KYAT3: variants seen among roughly 807,000 people sequenced by gnomAD.
The protein encoded by KYAT3 is kynurenine aminotransferase 3, also known as kynurenine--oxoglutarate transaminase 3.
KYAT3 carries 50 observed loss-of-function variants against 59.0 expected under a neutral mutation model. That is an observed-to-expected ratio of 0.85 (90% CI 0.68 to 1.07). KYAT3 has a LOEUF of 1.07. KYAT3 is among the 50% of genes least tolerant of loss of function. KYAT3 has a pLI of 0.00. For synonymous variants in KYAT3, 148 were observed against 177.0 expected (o/e 0.84, Z 1.30); for missense variants, 497 against 533.3 (o/e 0.93, Z 0.67).
At chr1:88,932,134 G>A (rs879537889), downstream of KYAT3, among the ~76,000 whole-genome samples, 2 of 152,134 alleles carry the variant, frequency 1.3e-5, no homozygotes, top group Non-Finnish European at 2.9e-5. Flanking sequence ...CTTGATTCTA[G>A]TATTACAGAA....
At chr1:88,938,371 T>C (rs1675115861) in intron 13 of KYAT3, among the ~76,000 whole-genome samples, 1 of 152,174 alleles carries the variant, frequency 6.6e-6, no homozygotes, top group African/African-American at 2.4e-5. Context: ...TTATTGTTCT[T>C]GTTTATTTAT....
chr1:88,990,001 T>A (rs1338755915), intron 1 of KYAT3, among the ~76,000 whole-genome samples: 2 of 152,150 alleles, frequency 1.3e-5, no homozygotes, highest in Non-Finnish European at 2.9e-5. Context: ...TCTCCCATAG[T>A]CCAAAATGAT....
Position 88,964,895 on chromosome 1 carries a change from A to T in KYAT3, c.387T>A (p.Leu129=), listed in dbSNP as rs747833034. 14 of 1,609,640 alleles carry T rather than the reference A, an allele frequency of 8.7e-6. No homozygotes were observed. The highest frequency in any genetic ancestry group is 1.2e-5 in the Non-Finnish European group (14 of 1,178,606). The change falls in exon 5 of 14, where the codon CTT becomes CTA. Residue 129 remains leucine, a synonymous_variant. Coordinates refer to ENST00000260508, the MANE Select transcript of KYAT3 (RefSeq NM_001008661.3). The stretch of plus-strand genomic sequence containing the variant: ...GAGATCCATATGCTCCTACTGTCAC[A>T]AGGATTTCTTTATTTGAATCAATTT... ...QKQIDSNKEI[L]VTVGAYGSLF... is the part of the protein sequence containing the mutation.
At position 88,988,317 on chromosome 1, in the gene KYAT3, T is replaced by G. The variant is rs1677589812; in HGVS notation, c.34A>C (p.Ser12Arg). 4 of 1,613,456 alleles carry G rather than the reference T, an allele frequency of 2.5e-6. No individual in the cohort carries two copies. The highest frequency in any genetic ancestry group is 1.3e-5 in the African/African-American group (1 of 74,918). ...FLAQRSLCSLSGRAKFLKTIS... is the reference protein window; with the variant it reads ...FLAQRSLCSLRGRAKFLKTIS... Reference sequence around the variant, plus strand: ...GTCTTCAGGAATTTTGCTCTACCGCTAAGAGAGCAGAGGCTCCTCTGGGCC... The same window carrying G: ...GTCTTCAGGAATTTTGCTCTACCGCGAAGAGAGCAGAGGCTCCTCTGGGCC... The change falls in exon 2 of 14, where the codon AGC (serine) becomes CGC (arginine). Residue 12 changes from serine to arginine, a missense_variant. Transcript: ENST00000260508.
chr1:88,957,881 A>G (rs1233584715), intron 8 of KYAT3, among the ~76,000 whole-genome samples: 2 of 152,198 alleles, frequency 1.3e-5, no homozygotes, highest in East Asian at 3.9e-4. Flanking sequence ...CTTGAGACAG[A>G]GGTCACCAAC....
rs1675564033 is a variant in KYAT3, at chr1:88,949,105, T to C, written c.1127A>G (p.Asp376Gly). ...VPDGGYFIIADVSLLDPDLSD... is the reference protein window; with the variant it reads ...VPDGGYFIIAGVSLLDPDLSD... ...CCTTTACAAACCTAGCAAAGACACA[T>C]CAGCGATGATGAAGTATCCTCCATC... is the stretch of plus-strand genomic sequence containing the variant. Residue 376 changes from aspartate to glycine, a missense_variant, in exon 11 of 14, where the codon GAT becomes GGT. By Grantham distance (94) the Asp-to-Gly change is moderately conservative. Transcript: ENST00000260508. 1 of 1,590,062 alleles carries C rather than the reference T, an allele frequency of 6.3e-7. No individual in the cohort carries two copies. The highest frequency in any genetic ancestry group is 1.9e-5 in the Admixed American group (1 of 53,262).
At chr1:88,986,650 T>G (rs550247899) in intron 2 of KYAT3, among the ~76,000 whole-genome samples, 1 of 152,258 alleles carries the variant, frequency 6.6e-6, no homozygotes, top group African/African-American at 2.4e-5. Context: ...GTAAAATGTT[T>G]TTGTAAAAAA....
In KYAT3 at chr1:88,988,238, T is replaced by C. The variant is rs1185191669; in HGVS notation, c.99+14A>G. ...ATATGTACAATAATTTATCTGTAAG[T>C]AAGCAATACCTACAGCAGAAGTAGA... On this transcript the variant is annotated intron_variant, in intron 2 of 13. Transcript: ENST00000260508. The C allele has an allele frequency of 8.3e-6, 13 of 1,566,748 alleles. No homozygotes were observed. In the African/African-American group the frequency reaches 1.2e-4, roughly 15 times the overall value.
the KYAT3 span, among the ~76,000 whole-genome samples, chr1:88,929,431 A>T: frequency 6.6e-6 from 1 of 151,762 alleles, no homozygotes; most frequent in Non-Finnish European, 1.5e-5. Flanking sequence ...GTACATCCTG[A>T]CTCTCAATTC....
At chr1:88,972,472 T>G (rs952216824) in intron 2 of KYAT3, among the ~76,000 whole-genome samples, 1 of 152,194 alleles carries the variant, frequency 6.6e-6, no homozygotes, top group African/African-American at 2.4e-5. Context: ...AAAACCTCAC[T>G]CACATTACAG....
intron 1 of KYAT3, among the ~76,000 whole-genome samples, chr1:88,990,636 G>A (rs1322018275): frequency 6.6e-6 from 1 of 152,124 alleles, no homozygotes; most frequent in African/African-American, 2.4e-5. Context: ...GGAATTCCAA[G>A]ACCTAGACCT....
the KYAT3 span, among the ~76,000 whole-genome samples, chr1:88,925,948 G>A: frequency 3.3e-5 from 5 of 152,094 alleles, no homozygotes; most frequent in African/African-American, 4.8e-5. Flanking sequence ...AAATAAGGGC[G>A]TAGCCGAAAG....
intron 1 of KYAT3, among the ~76,000 whole-genome samples, chr1:88,989,442 T>C (rs1393953591): frequency 6.6e-6 from 1 of 152,148 alleles, no homozygotes; most frequent in Non-Finnish European, 1.5e-5. Flanking sequence ...TTTTTCACAA[T>C]AGGTGAATAA....
intron 5 of KYAT3, among the ~76,000 whole-genome samples, chr1:88,962,794 C>A (rs1371352911): frequency 6.6e-6 from 1 of 152,174 alleles, no homozygotes; most frequent in Non-Finnish European, 1.5e-5. Context: ...CACACTCAGC[C>A]TCATCTGTGA....
At chr1:88,991,450 C>T (rs1050866000) in intron 1 of KYAT3, among the ~76,000 whole-genome samples, 1 of 152,196 alleles carries the variant, frequency 6.6e-6, no homozygotes, top group Non-Finnish European at 1.5e-5. Context: ...AAGAGTCCGA[C>T]CACTGTAAAG....
intron 11 of KYAT3, among the ~76,000 whole-genome samples, chr1:88,944,504 G>A (rs1209589377): frequency 2.0e-5 from 3 of 152,106 alleles, no homozygotes; most frequent in South Asian, 2.1e-4. Flanking sequence ...CTTCTTATTG[G>A]TTAAGCATGT....
downstream of KYAT3, among the ~76,000 whole-genome samples, chr1:88,932,752 T>G (rs1042809461): frequency 2.6e-5 from 4 of 152,112 alleles, no homozygotes; most frequent in Non-Finnish European, 5.9e-5. Flanking sequence ...TGTCTCAGCA[T>G]CCCAAAGTGC....
At position 88,935,986 on chromosome 1, in the gene KYAT3, A is replaced by C. The variant is rs1233675629; in HGVS notation, c.*197T>G. 7.9e-6 allele frequency: 4 copies of C among 505,546 alleles called. No individual in the cohort carries two copies. The highest frequency in any genetic ancestry group is 1.4e-5 in the Non-Finnish European group (4 of 280,276). 31.3% of individuals were successfully genotyped at this position (505,546 alleles called of 1,614,324 possible). On this transcript the variant is annotated 3_prime_UTR_variant, in exon 14 of 14. Transcript: ENST00000260508. ...TAAAATGATTGTGGAAGGTGTGTTAATACATTTCAACTGGAAAAAAAAGGT... is the reference window on the plus strand; with the variant it reads ...TAAAATGATTGTGGAAGGTGTGTTACTACATTTCAACTGGAAAAAAAAGGT...
At chr1:88,960,431 AG>A (rs1057397623) in intron 8 of KYAT3, among the ~76,000 whole-genome samples, 43 of 152,292 alleles carry the variant, frequency 2.8e-4, no homozygotes, top group African/African-American at 9.1e-4. Flanking sequence ...TAAAATATAT[AG>A]ATTCTGATAT....
Sources: gnomAD v4.1 joint callset for allele counts (sites outside exome capture counted in the v4.1 genomes callset) on GRCh38, gnomAD v4.1.1 for gene constraint, MANE v1.5 for transcripts, NCBI Gene and HGNC (gene_info 2026-07-23, HGNC 2026-07-21) for gene names.